Variants in LOXL2 observed in about 807,000 individuals in gnomAD.
The protein encoded by LOXL2 is lysyl oxidase like 2.
Under a neutral mutation model 93.0 loss-of-function variants are expected in LOXL2, and 70 were observed. The observed-to-expected ratio is 0.75, with a 90% confidence interval of 0.62 to 0.92. The LOEUF (loss-of-function observed/expected upper bound fraction) is 0.92, where lower values mean the gene tolerates loss of function less well. Ranked by LOEUF, LOXL2 falls within the 40% of genes least tolerant of loss-of-function variation. The pLI, the probability that LOXL2 is intolerant of heterozygous loss-of-function variation, is 0.00. For synonymous variants in LOXL2, 438 were observed against 413.2 expected (o/e 1.06, Z -0.73); for missense variants, 973 against 1,054.9 (o/e 0.92, Z 1.08).
At chr8:23,399,472 A>C (rs1800131350) in intron 1 of LOXL2, among the ~76,000 whole-genome samples, 1 of 152,106 alleles carries the variant, frequency 6.6e-6, no homozygotes, top group African/African-American at 2.4e-5. Context: ...TAATAGATGA[A>C]TCGGTTATCA....
chr8:23,386,407 A>G (rs1220932050), intron 1 of LOXL2, among the ~76,000 whole-genome samples: 2 of 152,198 alleles, frequency 1.3e-5, no homozygotes, highest in East Asian at 3.9e-4. Context: ...AAAGAAAGAA[A>G]GAGAACAAAA....
intron 10 of LOXL2, among the ~76,000 whole-genome samples, chr8:23,306,765 C>T (rs557736537): frequency 6.6e-6 from 1 of 152,384 alleles, no homozygotes; most frequent in Non-Finnish European, 1.5e-5. Flanking sequence ...GAGCCAAGCC[C>T]CTTGGCCTGT....
chr8:23,338,676 G>T (rs929874548), intron 4 of LOXL2, among the ~76,000 whole-genome samples: 28 of 152,334 alleles, frequency 1.8e-4, no homozygotes, highest in African/African-American at 6.3e-4. Flanking sequence ...ACATGGGAAA[G>T]ATGCAACTGC....
chr8:23,333,017 C>A (rs1228537209), intron 5 of LOXL2, among the ~76,000 whole-genome samples: 2 of 151,846 alleles, frequency 1.3e-5, no homozygotes, highest in African/African-American at 2.4e-5. Context: ...AAAATTGTTA[C>A]CCTTTCTGTT....
intron 1 of LOXL2, among the ~76,000 whole-genome samples, chr8:23,397,960 C>CAAAAA (rs11295140): frequency 1.2e-3 from 109 of 90,920 alleles, no homozygotes; most frequent in Non-Finnish European, 1.7e-3. Flanking sequence ...GACTCTGTCT[C>CAAAAA]AAAAAAAAAA....
Position 23,332,212 on chromosome 8 carries a change from C to G in LOXL2, c.966+1189G>C, listed in dbSNP as rs543078193. On this transcript the variant is annotated intron_variant, in intron 5 of 13. Coordinates refer to ENST00000389131, the MANE Select transcript of LOXL2 (RefSeq NM_002318.3). ...CACACACCCCACACACACCCACACC[C>G]ACCCCACACACCCCCTACACACTCA... Among the ~76,000 whole-genome samples the G allele has an allele frequency of 2.8e-5, 4 of 141,792 alleles. No homozygotes were observed. The South Asian group carries it at 9.5e-4, about 34-fold the overall frequency. The allele number at this position is 141,792 out of a possible 152,430, so 93.0% of individuals were successfully genotyped here.
chr8:23,373,812 G>T (rs545209284), intron 1 of LOXL2, among the ~76,000 whole-genome samples: 1 of 151,666 alleles, frequency 6.6e-6, no homozygotes, highest in Non-Finnish European at 1.5e-5. Flanking sequence ...GTCCCCCACC[G>T]CGAAGCTCTA....
At chr8:23,395,317 C>CAAAA (rs111889384) in intron 1 of LOXL2, among the ~76,000 whole-genome samples, 1 of 82,052 alleles carries the variant, frequency 1.2e-5, no homozygotes, top group African/African-American at 4.4e-5. Context: ...AAAGCCAGAC[C>CAAAA]AAAAAAAAAA....
Position 23,400,736 on chromosome 8 carries a change from G to A in LOXL2, c.-84+3218C>T, listed in dbSNP as rs543998872. Among the ~76,000 whole-genome samples the A allele has an allele frequency of 7.2e-5, 11 of 152,186 alleles. 1 individual carries two copies. The East Asian group carries it at 1.5e-3, about 21-fold the overall frequency. ...GTCCTCTACTAGATTTCTTTCTGGGGCCTTTGTTTCTTCCAGGAATCCCAG... is the reference window on the plus strand; with the variant it reads ...GTCCTCTACTAGATTTCTTTCTGGGACCTTTGTTTCTTCCAGGAATCCCAG... On this transcript the variant is annotated intron_variant, in intron 1 of 13. Transcript: ENST00000389131.
intron 6 of LOXL2, 79 bp from the exon 7 acceptor site, chr8:23,322,360 A>T: frequency 7.6e-7 from 1 of 1,310,492 alleles, no homozygotes; most frequent in South Asian, 1.4e-5. Context: ...CCTGGACAAT[A>T]AGAACATGCC....
intron 3 of LOXL2, among the ~76,000 whole-genome samples, chr8:23,350,990 G>A (rs1804083465): frequency 1.3e-5 from 2 of 152,110 alleles, no homozygotes; most frequent in South Asian, 4.2e-4. Flanking sequence ...ACCTCATGGT[G>A]AATCTGGTAG....
chr8:23,378,280 T>C (rs1370353456), intron 1 of LOXL2, among the ~76,000 whole-genome samples: 1 of 152,254 alleles, frequency 6.6e-6, no homozygotes, highest in Non-Finnish European at 1.5e-5. Context: ...CACTCTCTTC[T>C]GGTTTGTAGA....
At chr8:23,366,787 G>C (rs777469688) in intron 2 of LOXL2, among the ~76,000 whole-genome samples, 1 of 152,204 alleles carries the variant, frequency 6.6e-6, no homozygotes, top group Non-Finnish European at 1.5e-5. Context: ...CTGACCCAGA[G>C]ATAGGAAACT....
intron 1 of LOXL2, among the ~76,000 whole-genome samples, chr8:23,396,039 G>C (rs1185209777): frequency 6.6e-6 from 1 of 152,108 alleles, no homozygotes; most frequent in Non-Finnish European, 1.5e-5. Context: ...AGAAGAGAGA[G>C]AAGTCTGGGC....
In LOXL2 at chr8:23,346,528, C is replaced by T. The variant is rs141870362; in HGVS notation, c.532-5325G>A. Among the ~76,000 whole-genome samples the T allele has an allele frequency of 1.9e-3, 295 of 152,334 alleles. 1 individual carries two copies. Among genetic ancestry groups the T allele is most frequent in the African/African-American group, 6.8e-3 (281 of 41,570 alleles). On this transcript the variant is annotated intron_variant, in intron 3 of 13. Transcript: ENST00000389131. ...GAAGGGAGCTCTGAGCTCTGACTCT[C>T]AGGTTTATGCCTAAATGACATTTCA...
chr8:23,314,374 C>T (rs1803360988), intron 9 of LOXL2, among the ~76,000 whole-genome samples: 1 of 142,982 alleles, frequency 7.0e-6, no homozygotes, highest in African/African-American at 2.6e-5. Flanking sequence ...TTCACGATAG[C>T]AAAGACTTGG....
At chr8:23,366,625 T>C (rs551776242) in intron 2 of LOXL2, among the ~76,000 whole-genome samples, 23 of 152,312 alleles carry the variant, frequency 1.5e-4, no homozygotes, top group Middle Eastern at 3.4e-3. Context: ...TTAAGCTCCC[T>C]TGGGCGATTC....
Position 23,309,675 on chromosome 8 carries a change from A to G in LOXL2, c.1873T>C (p.Cys625Arg). Reference sequence around the variant, plus strand: ...GTGGCCAGCCAGGCCTACCTGTGACAGTCGTGCCAGATCCACGCGTGGCGG... The same window carrying G: ...GTGGCCAGCCAGGCCTACCTGTGACGGTCGTGCCAGATCCACGCGTGGCGG... ...NGRHAWIWHD[C>R]HRHYHSMEVF... Residue 625 changes from cysteine (C) to arginine (R), a missense_variant, in exon 10 of 14, where the codon TGT becomes CGT. Transcript: ENST00000389131. 6.8e-7 allele frequency: 1 copy of G among 1,463,848 alleles called. No individual in the cohort carries two copies. The highest frequency in any genetic ancestry group is 9.1e-7 in the Non-Finnish European group (1 of 1,099,428). 90.7% of individuals were successfully genotyped at this position (1,463,848 alleles called of 1,614,324 possible). A position where few individuals can be genotyped will look rare whatever the true frequency, so the allele number is the denominator to read the frequency against.
chr8:23,350,598 C>G (rs1804076126), intron 3 of LOXL2, among the ~76,000 whole-genome samples: 1 of 151,718 alleles, frequency 6.6e-6, no homozygotes, highest in East Asian at 1.9e-4. Context: ...TGGTAACATT[C>G]TTTAGCCTGT....
Sources: allele counts gnomAD v4.1 joint callset (sites outside exome capture counted in the v4.1 genomes callset), GRCh38; gene constraint gnomAD v4.1.1; transcripts MANE v1.5; gene names NCBI Gene and HGNC (gene_info 2026-07-23, HGNC 2026-07-21).